The following PRKN variants were observed in gnomAD, a reference collection of about 807,000 sequenced individuals.
The protein encoded by PRKN is E3 ubiquitin-protein ligase parkin.
Under a neutral mutation model 59.5 loss-of-function variants are expected in PRKN, and 56 were observed. The ratio of observed to expected loss-of-function variants is 0.94; its 90% CI spans 0.76 to 1.18. PRKN has a LOEUF of 1.18. Among genes scored for constraint, PRKN ranks in the 50% most tolerant of loss-of-function variants. The probability of loss-of-function intolerance (pLI) is 0.00; values close to 1 mark genes in which losing one functional copy is unlikely to be tolerated. For synonymous variants in PRKN, 250 were observed against 222.1 expected, an observed-to-expected ratio of 1.13 and a Z score of -1.12; for missense variants, 657 against 596.4, an observed-to-expected ratio of 1.10 and a Z score of -1.06.
At chr6:161,800,818 G>A (rs962310258) in intron 6 of PRKN, among the ~76,000 whole-genome samples, 6 of 152,292 alleles carry the variant, frequency 3.9e-5, no homozygotes, top group Admixed American at 2.0e-4. Context: ...ACAATGTCTG[G>A]TGACTCTTCT....
intron 7 of PRKN, among the ~76,000 whole-genome samples, chr6:161,747,672 A>C (rs1268304412): frequency 6.6e-6 from 1 of 152,216 alleles, no homozygotes; most frequent in Non-Finnish European, 1.5e-5. Flanking sequence ...AGTTCTAATT[A>C]CTTGTGGAAG....
intron 9 of PRKN, among the ~76,000 whole-genome samples, chr6:161,491,812 A>G (rs1178828207): frequency 6.6e-6 from 1 of 152,018 alleles, no homozygotes; most frequent in Non-Finnish European, 1.5e-5. Flanking sequence ...TGTATTTTTT[A>G]GTAGAGATGG....
At chr6:161,787,950 A>C (rs1790490252) in intron 6 of PRKN, among the ~76,000 whole-genome samples, 1 of 152,198 alleles carries the variant, frequency 6.6e-6, no homozygotes. Flanking sequence ...AAAAACAAAC[A>C]AACAAAAAAG....
At chr6:161,541,068 A>T (rs1346940457) in intron 9 of PRKN, among the ~76,000 whole-genome samples, 3 of 152,252 alleles carry the variant, frequency 2.0e-5, no homozygotes, top group Non-Finnish European at 4.4e-5. Context: ...AAACACAGGA[A>T]ACCTGAGTTT....
At chr6:161,727,578 A>C (rs1195257877) in intron 7 of PRKN, among the ~76,000 whole-genome samples, 1 of 152,198 alleles carries the variant, frequency 6.6e-6, no homozygotes, top group Non-Finnish European at 1.5e-5. Context: ...GGATTCGCTC[A>C]ATGTATGGTC....
At position 161,530,679 on chromosome 6, in the gene PRKN, C is replaced by T. The variant is rs745443432; in HGVS notation, c.1083+18175G>A. Among the ~76,000 whole-genome samples the T allele has an allele frequency of 5.3e-5, 8 of 152,006 alleles. No individual in the cohort carries two copies. Among genetic ancestry groups the T allele is most frequent in the Non-Finnish European group, 7.4e-5 (5 of 67,998 alleles). ...TACAGGCATTTACCACCACGCCTGG[C>T]TAATTTTTTTCTATTTTTAGTGGAG... is the stretch of plus-strand genomic sequence containing the variant. On this transcript the variant is annotated intron_variant, in intron 9 of 11. Coordinates refer to ENST00000366898, the MANE Select transcript of PRKN (RefSeq NM_004562.3). The surrounding 1 kb of genome is among the most constrained non-coding windows in gnomAD (Gnocchi z 5.0).
chr6:162,320,543 C>G (rs1476592456), intron 2 of PRKN, among the ~76,000 whole-genome samples: 1 of 150,032 alleles, frequency 6.7e-6, no homozygotes, highest in Non-Finnish European at 1.5e-5. Context: ...CAAATTAAAA[C>G]CATTAAGACA....
chr6:161,996,760 A>G (rs1781860728), intron 5 of PRKN, among the ~76,000 whole-genome samples: 1 of 152,160 alleles, frequency 6.6e-6, no homozygotes, highest in Non-Finnish European at 1.5e-5. Flanking sequence ...AAGTATGAAA[A>G]ACAGCCTACC....
intron 7 of PRKN, among the ~76,000 whole-genome samples, chr6:161,631,543 AATAATTGCCT>A (rs554873223): frequency 3.0e-4 from 46 of 152,336 alleles, no homozygotes; most frequent in African/African-American, 1.1e-3. Context: ...AATCTGGAAA[AATAATTGCCT>A]ATGGCATAAG....
intron 6 of PRKN, among the ~76,000 whole-genome samples, chr6:161,848,591 ATG>A (rs1225799551): frequency 6.6e-6 from 1 of 152,216 alleles, no homozygotes; most frequent in African/African-American, 2.4e-5. Flanking sequence ...CCAAATGGGT[ATG>A]TCTTACATCT....
intron 6 of PRKN, among the ~76,000 whole-genome samples, chr6:161,883,092 T>C (rs1176995578): frequency 1.3e-5 from 2 of 151,838 alleles, no homozygotes; most frequent in East Asian, 3.9e-4. Context: ...CCTTTACATA[T>C]AGATAAAGAT....
chr6:162,540,931 T>C (rs1778904357), intron 1 of PRKN, among the ~76,000 whole-genome samples: 1 of 152,212 alleles, frequency 6.6e-6, no homozygotes, highest in Middle Eastern at 3.2e-3. Flanking sequence ...CATTGATGTC[T>C]ACATGTCTAA....
chr6:162,511,702 A>G (rs1777626391), intron 1 of PRKN, among the ~76,000 whole-genome samples: 1 of 152,036 alleles, frequency 6.6e-6, no homozygotes, highest in Non-Finnish European at 1.5e-5. Context: ...AGACCACTCT[A>G]AAGACCACCA....
chr6:161,552,222 G>A lies in PRKN; in HGVS notation c.934-3219C>T, dbSNP rs553578481. On this transcript the variant is annotated intron_variant, in intron 8 of 11. Coordinates refer to ENST00000366898, the MANE Select transcript of PRKN (RefSeq NM_004562.3). The surrounding 1 kb of genome is among the most constrained non-coding windows in gnomAD (Gnocchi z 4.9). Reference sequence around the variant, plus strand: ...ATTTAAGTTTGGTTGCAGTTTTGCCGGAATTGTAAAAGGAAGCGGGACATC... The same window carrying A: ...ATTTAAGTTTGGTTGCAGTTTTGCCAGAATTGTAAAAGGAAGCGGGACATC... 1.3e-5 allele frequency among the ~76,000 whole-genome samples: 2 copies of A among 152,258 alleles called. No homozygotes were observed. The highest frequency in any genetic ancestry group is 4.1e-4 in the South Asian group (2 of 4,826).
Position 162,046,879 on chromosome 6 carries a change from A to G in PRKN, c.618+7212T>C, listed in dbSNP as rs114602760. On this transcript the variant is annotated intron_variant, in intron 5 of 11. Coordinates refer to ENST00000366898, the MANE Select transcript of PRKN (RefSeq NM_004562.3). ...TAAGCTAATTCTGTAATAAAAATCT[A>G]TCTTCTAATTTTAACCTTAACAATT... Among the ~76,000 whole-genome samples the G allele has an allele frequency of 5.3e-3, 779 of 147,328 alleles. 8 individuals are homozygous for G. The highest frequency in any genetic ancestry group is 0.018 in the African/African-American group (721 of 39,850).
At chr6:161,988,010 C>T (rs992344666) in intron 5 of PRKN, among the ~76,000 whole-genome samples, 1 of 152,070 alleles carries the variant, frequency 6.6e-6, no homozygotes, top group Non-Finnish European at 1.5e-5. Context: ...CCAGGCTTAT[C>T]ATTATAGAAC....
chr6:161,887,859 A>T (rs1229744309), intron 6 of PRKN, among the ~76,000 whole-genome samples: 1 of 152,162 alleles, frequency 6.6e-6, no homozygotes, highest in Non-Finnish European at 1.5e-5. Flanking sequence ...TATCTTTTTT[A>T]TAAAAGGAAG....
chr6:162,523,880 A>T (rs954271313), intron 1 of PRKN, among the ~76,000 whole-genome samples: 5 of 152,132 alleles, frequency 3.3e-5, no homozygotes, highest in East Asian at 3.9e-4. Flanking sequence ...AAAAACAAAA[A>T]ATTATGAGGA....
intron 9 of PRKN, among the ~76,000 whole-genome samples, chr6:161,450,548 T>C (rs943978824): frequency 5.3e-5 from 8 of 151,642 alleles, no homozygotes; most frequent in African/African-American, 1.2e-4. Flanking sequence ...ATTTACTTAA[T>C]GTTTTCTTTT....
Sources: gnomAD v4.1 joint callset for allele counts (sites outside exome capture counted in the v4.1 genomes callset) on GRCh38, gnomAD v4.1.1 for gene constraint, Gnocchi (gnomAD v3.1) non-coding constraint, MANE v1.5 for transcripts, NCBI Gene and HGNC (gene_info 2026-07-23, HGNC 2026-07-21) for gene names.